UQCR11: variants seen among roughly 807,000 people sequenced by gnomAD.
UQCR11 encodes cytochrome b-c1 complex subunit 10.
Under a neutral mutation model 7.6 loss-of-function variants are expected in UQCR11, and 10 were observed. The ratio of observed to expected loss-of-function variants is 1.31; its 90% CI spans 0.81 to 2.22. The LOEUF (loss-of-function observed/expected upper bound fraction) is 2.22, where lower values mean the gene tolerates loss of function less well. Among genes scored for constraint, UQCR11 ranks in the 30% most tolerant of loss-of-function variants. UQCR11 has a pLI of 0.00. For missense variants in UQCR11, 86 were observed against 75.1 expected, an observed-to-expected ratio of 1.15 and a Z score of -0.54; for synonymous variants, 34 against 34.9, an observed-to-expected ratio of 0.97 and a Z score of 0.09.
At chr19:1,600,931 G>A (rs1436150768) in intron 1 of UQCR11, among the ~76,000 whole-genome samples, 1 of 152,184 alleles carries the variant, frequency 6.6e-6, no homozygotes, top group African/African-American at 2.4e-5. Flanking sequence ...CACTTTGAGA[G>A]GCTGAGGCGG....
At chr19:1,601,874 A>G (rs2060748158) in intron 1 of UQCR11, among the ~76,000 whole-genome samples, 1 of 152,098 alleles carries the variant, frequency 6.6e-6, no homozygotes, top group African/African-American at 2.4e-5. Flanking sequence ...TTAAAATCCA[A>G]TTCCGGGCGG....
intron 1 of UQCR11, 112 bp from the exon 2 acceptor site, chr19:1,599,672 C>T: frequency 6.8e-7 from 1 of 1,468,232 alleles, no homozygotes; most frequent in Non-Finnish European, 9.0e-7. Flanking sequence ...GCGGGCCTGG[C>T]ACCTGTGCCC....
chr19:1,602,909 G>T (rs958755421), intron 1 of UQCR11, among the ~76,000 whole-genome samples: 2 of 152,202 alleles, frequency 1.3e-5, no homozygotes, highest in African/African-American at 4.8e-5. Flanking sequence ...ACTGAGGAAG[G>T]ACGTACAGAC....
chr19:1,601,442 A>T (rs2060746799), intron 1 of UQCR11, among the ~76,000 whole-genome samples: 2 of 151,826 alleles, frequency 1.3e-5, no homozygotes, highest in African/African-American at 4.8e-5. Context: ...TCTACTAAAA[A>T]TATAAAAAAT....
chr19:1,599,647 G>A (rs947204678), intron 1 of UQCR11, 87 bp from the exon 2 acceptor site: 48 of 1,544,602 alleles, frequency 3.1e-5, no homozygotes, highest in African/African-American at 5.4e-5. Context: ...CGTCCTGAGC[G>A]GTGATGGCTG....
intron 2 of UQCR11, chr19:1,598,939 T>TGG (rs535460893): frequency 2.7e-3 from 448 of 168,362 alleles, no homozygotes; most frequent in Non-Finnish European, 4.4e-3. Flanking sequence ...GACTGTCATG[T>TGG]GGGCACTGGG....
In UQCR11 at chr19:1,605,452, C is replaced by A; in HGVS notation, c.-43G>T. On this transcript the variant is annotated 5_prime_UTR_variant, in exon 1 of 3. Coordinates refer to ENST00000591899, the MANE Select transcript of UQCR11 (RefSeq NM_006830.4). The stretch of plus-strand genomic sequence containing the variant: ...CTCAGGATGACCCTGTCCAGCTGAC[C>A]CGGCTACACTGCGCAGGCGCGGCCG... 1 of 1,476,884 alleles carries A rather than the reference C, an allele frequency of 6.8e-7. No homozygotes were observed. The allele number at this position is 1,476,884 out of a possible 1,614,324, so 91.5% of individuals were successfully genotyped here. A position where few individuals can be genotyped will look rare whatever the true frequency, so the allele number is the denominator to read the frequency against.
intron 2 of UQCR11, 105 bp downstream of exon 2, chr19:1,599,307 G>A (rs974353728): frequency 1.3e-5 from 19 of 1,449,936 alleles, no homozygotes; most frequent in Non-Finnish European, 1.8e-5. Flanking sequence ...TCTCCAGGGG[G>A]AGCAGTGAGG....
intron 1 of UQCR11, among the ~76,000 whole-genome samples, chr19:1,601,717 C>T (rs1363732066): frequency 6.6e-6 from 1 of 152,128 alleles, no homozygotes; most frequent in Non-Finnish European, 1.5e-5. Flanking sequence ...ACAAGAGAGC[C>T]TGAGGAGTTG....
chr19:1,600,354 C>T (rs1188418605), intron 1 of UQCR11, among the ~76,000 whole-genome samples: 14 of 152,170 alleles, frequency 9.2e-5, no homozygotes, highest in African/African-American at 3.1e-4. Flanking sequence ...GCTGGGACTA[C>T]AGGCGCCCGT....
chr19:1,599,370 G>A lies in UQCR11; in HGVS notation c.*28+42C>T, dbSNP rs1014577871. 1.1e-5 allele frequency: 18 copies of A among 1,597,202 alleles called. No homozygotes were observed. The Admixed American group carries it at 2.3e-4, about 21-fold the overall frequency. On this transcript the variant is annotated intron_variant, in intron 2 of 2. Coordinates refer to ENST00000591899, the MANE Select transcript of UQCR11 (RefSeq NM_006830.4). ...AGAACCCACTCTTCGGCCACCATCC[G>A]GCCATCATGCAGTCCACCCACCGCA... is the stretch of plus-strand genomic sequence containing the variant.
intron 1 of UQCR11, among the ~76,000 whole-genome samples, chr19:1,601,196 C>A (rs865892958): frequency 3.3e-5 from 5 of 152,250 alleles, no homozygotes; most frequent in Admixed American, 1.3e-4. Flanking sequence ...TGGCTTCCAT[C>A]CTGGGCACCT....
chr19:1,599,666 G>GC lies in UQCR11; in HGVS notation c.51-107dup, dbSNP rs940784407. Reference sequence around the variant, plus strand: ...CTGAGCGGTGATGGCTGAGGTGCGGGCCTGGCACCTGTGCCCGCCCAGTGC... The same window carrying GC: ...CTGAGCGGTGATGGCTGAGGTGCGGGCCCTGGCACCTGTGCCCGCCCAGTGC... On this transcript the variant is annotated intron_variant, in intron 1 of 2. Coordinates refer to ENST00000591899, the MANE Select transcript of UQCR11 (RefSeq NM_006830.4). The GC allele has an allele frequency of 5.4e-6, 8 of 1,493,326 alleles. No homozygotes were observed. The African/African-American group carries it at 1.1e-4, about 21-fold the overall frequency. The allele number at this position is 1,493,326 out of a possible 1,614,324, so 92.5% of individuals were successfully genotyped here.
intron 1 of UQCR11, among the ~76,000 whole-genome samples, chr19:1,601,794 G>T (rs906008007): frequency 6.6e-6 from 1 of 152,112 alleles, no homozygotes; most frequent in Non-Finnish European, 1.5e-5. Flanking sequence ...AATTTTGGGA[G>T]ACCATTTCTT....
At chr19:1,604,852 C>G (rs571389375) in intron 1 of UQCR11, among the ~76,000 whole-genome samples, 2 of 152,382 alleles carry the variant, frequency 1.3e-5, no homozygotes, top group African/African-American at 4.8e-5. Flanking sequence ...TAGCACCCCA[C>G]GTGGAAACAC....
chr19:1,603,933 A>C (rs777026598), intron 1 of UQCR11, among the ~76,000 whole-genome samples: 4 of 152,174 alleles, frequency 2.6e-5, no homozygotes, highest in Non-Finnish European at 5.9e-5. Flanking sequence ...AGACACTGCC[A>C]ATCATAAGCC....
chr19:1,604,033 C>A (rs1354790522), intron 1 of UQCR11, among the ~76,000 whole-genome samples: 1 of 152,118 alleles, frequency 6.6e-6, no homozygotes, highest in Non-Finnish European at 1.5e-5. Context: ...ACAACCTCCA[C>A]CTCCCGGGTT....
chr19:1,603,473 C>T (rs765877836), intron 1 of UQCR11, among the ~76,000 whole-genome samples: 1 of 152,044 alleles, frequency 6.6e-6, no homozygotes, highest in Admixed American at 6.6e-5. Context: ...GGCGTGGTGG[C>T]GGGCGCCTGT....
At chr19:1,601,704 C>G (rs986675846) in intron 1 of UQCR11, among the ~76,000 whole-genome samples, 2 of 152,122 alleles carry the variant, frequency 1.3e-5, no homozygotes, top group Admixed American at 1.3e-4. Context: ...AGACTGCAGC[C>G]TCACAAGAGA....
Sources: allele counts gnomAD v4.1 joint callset (sites outside exome capture counted in the v4.1 genomes callset), GRCh38; gene constraint gnomAD v4.1.1; transcripts MANE v1.5; gene names NCBI Gene and HGNC (gene_info 2026-07-23, HGNC 2026-07-21).